The following MINDY1 variants were observed in gnomAD, a reference collection of about 807,000 sequenced individuals.
MINDY1 encodes the protein MINDY lysine 48 deubiquitinase 1, also known as ubiquitin carboxyl-terminal hydrolase MINDY-1.
In MINDY1, 50 loss-of-function variants were observed where a neutral mutation model predicts 53.6. The observed-to-expected ratio is 0.93, with a 90% confidence interval of 0.74 to 1.18. MINDY1 has a LOEUF of 1.18. Ranked by LOEUF, MINDY1 falls within the 50% of genes most tolerant of loss-of-function variation. The pLI, the probability that MINDY1 is intolerant of heterozygous loss-of-function variation, is 0.00. For missense variants in MINDY1, 484 were observed against 578.6 expected (o/e 0.84, Z 1.68); for synonymous variants, 231 against 234.7 (o/e 0.98, Z 0.14).
chr1:150,997,040 A>G lies in MINDY1; in HGVS notation c.*247T>C, dbSNP rs1328367516. 3 of 569,262 alleles carry G rather than the reference A, an allele frequency of 5.3e-6. No homozygotes were observed. The highest frequency in any genetic ancestry group is 9.5e-6 in the Non-Finnish European group (3 of 316,428). The allele number at this position is 569,262 out of a possible 1,614,324, so 35.3% of individuals were successfully genotyped here. ...AGTCTGTACATACGTGTGACTATTC[A>G]GGGACCGGGAGTTGAGAACCAGAAA... is the stretch of plus-strand genomic sequence containing the variant. On this transcript the variant is annotated 3_prime_UTR_variant, in exon 10 of 10. Coordinates refer to ENST00000683666, the MANE Select transcript of MINDY1 (RefSeq NM_001376665.1).
chr1:151,000,951 GA>G (rs372383121), intron 4 of MINDY1, among the ~76,000 whole-genome samples: 53 of 148,386 alleles, frequency 3.6e-4, no homozygotes, highest in Middle Eastern at 3.4e-3. Context: ...GCTAATTCTT[GA>G]AAAAAAAAAT....
intron 1 of MINDY1, among the ~76,000 whole-genome samples, chr1:151,003,128 C>T (rs1309690159): frequency 1.3e-5 from 2 of 152,146 alleles, no homozygotes; most frequent in Non-Finnish European, 2.9e-5. Flanking sequence ...ACATCAGTAA[C>T]CCCCTCATAG....
At position 151,002,291 on chromosome 1, in the gene MINDY1, A is replaced by G. The variant is rs368698058; in HGVS notation, c.327T>C (p.Pro109=). 8.7e-6 allele frequency: 14 copies of G among 1,614,102 alleles called. No homozygotes were observed. The highest frequency in any genetic ancestry group is 8.5e-7 in the Non-Finnish European group (1 of 1,180,042). The change falls in exon 2 of 10, where the codon CCT becomes CCC. Residue 109 remains proline (P), a synonymous_variant. Coordinates refer to ENST00000683666, the MANE Select transcript of MINDY1 (RefSeq NM_001376665.1). The surrounding 1 kb of genome is among the most constrained non-coding windows in gnomAD (Gnocchi z 4.1). ...ACTTGACACAGTAGAAATCTGGCTC[A>G]GGCTGTCGGGTCCTGGGGGACTGAG... is the stretch of plus-strand genomic sequence containing the variant. ...ELPQSPRTRQ[P]EPDFYCVKWI...
Position 151,002,646 on chromosome 1 carries a change from T to C in MINDY1, c.-29A>G. 1 of 1,613,960 alleles carries C rather than the reference T, an allele frequency of 6.2e-7. No homozygotes were observed. The highest frequency in any genetic ancestry group is 8.5e-7 in the Non-Finnish European group (1 of 1,179,870). On this transcript the variant is annotated 5_prime_UTR_variant, in exon 2 of 10. Coordinates refer to ENST00000683666, the MANE Select transcript of MINDY1 (RefSeq NM_001376665.1). The surrounding 1 kb of genome is among the most constrained non-coding windows in gnomAD (Gnocchi z 4.1). ...CAAAAGGGACTTGGCTGAGGGGCAC[T>C]GAAGGTGTTTACTAACCTCAGGGAC...
At chr1:151,000,081 CA>C in intron 5 of MINDY1, 117 bp from the exon 6 acceptor site, 1 of 701,628 alleles carries the variant, frequency 1.4e-6, no homozygotes, top group Non-Finnish European at 2.3e-6. Context: ...GGTTCCTAAA[CA>C]CTTTTTTTTT....
At position 150,999,466 on chromosome 1, in the gene MINDY1, G is replaced by A. The variant is rs113120419; in HGVS notation, c.884C>T (p.Thr295Ile). 41 of 1,614,156 alleles carry A rather than the reference G, an allele frequency of 2.5e-5. No individual in the cohort carries two copies. The highest frequency in any genetic ancestry group is 2.9e-5 in the Non-Finnish European group (34 of 1,180,030). ...QFLETTAAQL[T>I]YHGLCELTAA... ...TGTCAGCTCACACAGTCCGTGGTAG[G>A]TCAGCTGGGCCGCGGTGGTCTCCAG... The change falls in exon 7 of 10, where the codon ACC becomes ATC. Residue 295 changes from threonine to isoleucine, a missense_variant. Transcript: ENST00000683666. This position sits in a 1 kb window ranked among gnomAD's most constrained non-coding sequence, Gnocchi z 4.4.
Position 151,002,877 on chromosome 1 carries a change from T to TG in MINDY1, c.-89-172dup, listed in dbSNP as rs1182389166. ...TGCTGAGCTCTTTCCACCTCTAACT[T>TG]GCTGTGACCAGATGAGACCAAGAGG... On this transcript the variant is annotated intron_variant, in intron 1 of 9. Coordinates refer to ENST00000683666, the MANE Select transcript of MINDY1 (RefSeq NM_001376665.1). The surrounding 1 kb of genome is among the most constrained non-coding windows in gnomAD (Gnocchi z 4.1). The TG allele has an allele frequency of 2.1e-6, 3 of 1,415,532 alleles. No individual in the cohort carries two copies. The highest frequency in any genetic ancestry group is 1.8e-6 in the Non-Finnish European group (2 of 1,088,234). 87.7% of individuals were successfully genotyped at this position (1,415,532 alleles called of 1,614,324 possible). A position where few individuals can be genotyped will look rare whatever the true frequency, so the allele number is the denominator to read the frequency against.
In MINDY1 at chr1:150,999,983, G is replaced by A. The variant is rs1160057331; in HGVS notation, c.736-19C>T. The A allele has an allele frequency of 1.1e-5, 17 of 1,585,226 alleles. No homozygotes were observed. In the Admixed American group the frequency reaches 1.2e-4, roughly 11 times the overall value. On this transcript the variant is annotated intron_variant, in intron 5 of 9. Coordinates refer to ENST00000683666, the MANE Select transcript of MINDY1 (RefSeq NM_001376665.1). The surrounding 1 kb of genome is among the most constrained non-coding windows in gnomAD (Gnocchi z 4.4). ...CAGGACTCTGCTTGGGTAGTGGGATGTGGGATACCAAAAAAATTGGGATTT... is the reference window on the plus strand; with the variant it reads ...CAGGACTCTGCTTGGGTAGTGGGATATGGGATACCAAAAAAATTGGGATTT...
rs1348080371 is a variant in MINDY1 at position 151,001,118 on chromosome 1, TC to T, written c.576+131del. 5.4e-6 allele frequency: 5 copies of T among 924,746 alleles called. No homozygotes were observed. The African/African-American group carries it at 8.3e-5, about 15-fold the overall frequency. 57.3% of individuals were successfully genotyped at this position (924,746 alleles called of 1,614,324 possible). The stretch of plus-strand genomic sequence containing the variant: ...TATTTTCTAGGACAAAGATAAACTC[TC>T]CTCTGACTCCTGCAGAATGAAATCA... On this transcript the variant is annotated intron_variant, in intron 4 of 9. Transcript: ENST00000683666.
chr1:151,004,432 A>C (rs186912509), intron 1 of MINDY1, among the ~76,000 whole-genome samples: 148 of 152,036 alleles, frequency 9.7e-4, no homozygotes, highest in Non-Finnish European at 1.8e-3. Context: ...AACAGGGAGA[A>C]ATTAAACTAG....
In MINDY1 at chr1:151,006,593, T is replaced by A; in HGVS notation, c.-371A>T. The A allele has an allele frequency of 1.0e-6, 1 of 990,908 alleles. No individual in the cohort carries two copies. Among genetic ancestry groups the A allele is most frequent in the Non-Finnish European group, 1.2e-6 (1 of 833,640 alleles). 61.4% of individuals were successfully genotyped at this position (990,908 alleles called of 1,614,324 possible). A position where few individuals can be genotyped will look rare whatever the true frequency, so the allele number is the denominator to read the frequency against. Reference sequence around the variant, plus strand: ...TCGCTCAGAGAGTCTTCAGGATTCCTGAGTCGCCGAGTCTATGGCATGCGC... The same window carrying A: ...TCGCTCAGAGAGTCTTCAGGATTCCAGAGTCGCCGAGTCTATGGCATGCGC... On this transcript the variant is annotated 5_prime_UTR_variant, in exon 1 of 10. Coordinates refer to ENST00000683666, the MANE Select transcript of MINDY1 (RefSeq NM_001376665.1).
chr1:151,000,398 T>G lies in MINDY1; in HGVS notation c.735+59A>C, dbSNP rs587716459. ...TCCCTAACCTCTACCCGACAAAAATTTGCCTCTCTCATGTCAGCTTGAGCT... is the reference window on the plus strand; with the variant it reads ...TCCCTAACCTCTACCCGACAAAAATGTGCCTCTCTCATGTCAGCTTGAGCT... On this transcript the variant is annotated intron_variant, in intron 5 of 9. Transcript: ENST00000683666. 3 of 1,516,094 alleles carry G rather than the reference T, an allele frequency of 2.0e-6. No individual in the cohort carries two copies. The African/African-American group carries it at 4.2e-5, about 21-fold the overall frequency. The allele number at this position is 1,516,094 out of a possible 1,614,324, so 93.9% of individuals were successfully genotyped here.
Position 150,997,027 on chromosome 1 carries a change from C to T in MINDY1, c.*260G>A, listed in dbSNP as rs1273624856. 4 of 555,478 alleles carry T rather than the reference C, an allele frequency of 7.2e-6. No individual in the cohort carries two copies. Among genetic ancestry groups the T allele is most frequent in the Middle Eastern group, 4.9e-4 (1 of 2,052 alleles). The allele number at this position is 555,478 out of a possible 1,614,324, so 34.4% of individuals were successfully genotyped here. A position where few individuals can be genotyped will look rare whatever the true frequency, so the allele number is the denominator to read the frequency against. On this transcript the variant is annotated 3_prime_UTR_variant, in exon 10 of 10. Transcript: ENST00000683666. ...ACCCCAGAGCCTCAGTCTGTACATA[C>T]GTGTGACTATTCAGGGACCGGGAGT...
At chr1:151,008,366 T>C, upstream of MINDY1, 1 of 1,299,296 alleles carries the variant, frequency 7.7e-7, no homozygotes, top group Non-Finnish European at 1.0e-6. Flanking sequence ...CCCCTTGGCC[T>C]CGCCGGAAAG....
chr1:150,997,958 C>A, intron 8 of MINDY1, 124 bp downstream of exon 8: 2 of 1,198,748 alleles, frequency 1.7e-6, no homozygotes, highest in East Asian at 2.5e-5. Context: ...AGTGAGGAGA[C>A]GGTCTGAGGT....
At position 151,002,878 on chromosome 1, in the gene MINDY1, GC is replaced by G. The variant is rs1672742247; in HGVS notation, c.-89-173del. ...GCTGAGCTCTTTCCACCTCTAACTT[GC>G]TGTGACCAGATGAGACCAAGAGGTC... On this transcript the variant is annotated intron_variant, in intron 1 of 9. Transcript: ENST00000683666. The surrounding 1 kb of genome is among the most constrained non-coding windows in gnomAD (Gnocchi z 4.1). 3 of 1,414,846 alleles carry G rather than the reference GC, an allele frequency of 2.1e-6. No individual in the cohort carries two copies. The South Asian group carries it at 4.6e-5, about 22-fold the overall frequency. 87.6% of individuals were successfully genotyped at this position (1,414,846 alleles called of 1,614,324 possible).
chr1:150,998,089 A>G lies in MINDY1; in HGVS notation c.1166T>C (p.Val389Ala). The part of the protein sequence containing the change: ...GSGSPETQLQ[V>A]DQDYLIALSL... Reference sequence around the variant, plus strand: ...CCTAAGTGCCCTACACACCTGGTCTACCTGCAGCTGCGTTTCTGGGGAGCC... The same window carrying G: ...CCTAAGTGCCCTACACACCTGGTCTGCCTGCAGCTGCGTTTCTGGGGAGCC... The change falls in exon 8 of 10, where the codon GTA (valine) becomes GCA (alanine). Residue 389 changes from valine to alanine, a missense_variant. Physicochemically the swap from Val to Ala is moderately conservative, Grantham distance 64 (BLOSUM62 0). Transcript: ENST00000683666. 2.5e-6 allele frequency: 4 copies of G among 1,610,922 alleles called. No individual in the cohort carries two copies. The highest frequency in any genetic ancestry group is 3.4e-6 in the Non-Finnish European group (4 of 1,179,246).
intron 1 of MINDY1, among the ~76,000 whole-genome samples, chr1:151,003,629 T>C (rs1545625): frequency 0.96 from 146,269 of 152,220 alleles, 70,545 homozygotes; most frequent in East Asian, 1. Context: ...AGGCTGGTCT[T>C]AACTCCTGGG....
At position 151,006,798 on chromosome 1, in the gene MINDY1, C is replaced by T. The variant is rs1673279900; in HGVS notation, c.-576G>A. On this transcript the variant is annotated 5_prime_UTR_variant, in exon 1 of 10. Coordinates refer to ENST00000683666, the MANE Select transcript of MINDY1 (RefSeq NM_001376665.1). ...CAGGACTTTCTGACCCGGTCAGCAG[C>T]TTTGTGATCAGCAGAGAGGGAGCGA... The T allele has an allele frequency of 1.0e-6, 1 of 985,484 alleles. No homozygotes were observed. Among genetic ancestry groups the T allele is most frequent in the Admixed American group, 6.1e-5 (1 of 16,276 alleles). The allele number at this position is 985,484 out of a possible 1,614,324, so 61.0% of individuals were successfully genotyped here. A position where few individuals can be genotyped will look rare whatever the true frequency, so the allele number is the denominator to read the frequency against.
Sources: gnomAD v4.1 joint callset for allele counts (sites outside exome capture counted in the v4.1 genomes callset) on GRCh38, gnomAD v4.1.1 for gene constraint, Gnocchi (gnomAD v3.1) non-coding constraint, MANE v1.5 for transcripts, NCBI Gene and HGNC (gene_info 2026-07-23, HGNC 2026-07-21) for gene names.